RCAN1: variants seen among roughly 807,000 people sequenced by gnomAD.
RCAN1 encodes the protein regulator of calcineurin 1.
Under a neutral mutation model 22.9 loss-of-function variants are expected in RCAN1, and 11 were observed. The ratio of observed to expected loss-of-function variants is 0.48; its 90% CI spans 0.30 to 0.79. The LOEUF (loss-of-function observed/expected upper bound fraction) is 0.79, where lower values mean the gene tolerates loss of function less well. Ranked by LOEUF, RCAN1 falls within the 30% of genes least tolerant of loss-of-function variation. The pLI is 0.06. For synonymous variants in RCAN1, 136 were observed against 142.3 expected, an observed-to-expected ratio of 0.96 and a Z score of 0.32; for missense variants, 291 against 337.8, an observed-to-expected ratio of 0.86 and a Z score of 1.09.
At chr21:34,556,981 G>A (rs1384208602) in intron 1 of RCAN1, among the ~76,000 whole-genome samples, 1 of 152,214 alleles carries the variant, frequency 6.6e-6, no homozygotes, top group Non-Finnish European at 1.5e-5. Context: ...GGGAGGCCGA[G>A]GCAGGCGGAT....
chr21:34,586,696 T>C (rs1402407143), intron 1 of RCAN1, among the ~76,000 whole-genome samples: 3 of 152,230 alleles, frequency 2.0e-5, no homozygotes, highest in African/African-American at 7.2e-5. Context: ...CTCACACCTG[T>C]AACCCCAGCA....
chr21:34,549,094 T>C (rs1347582116), intron 1 of RCAN1, among the ~76,000 whole-genome samples: 1 of 152,190 alleles, frequency 6.6e-6, no homozygotes, highest in Non-Finnish European at 1.5e-5. Context: ...CAGTCTTCTG[T>C]TGCTCAGGCT....
chr21:34,581,340 GT>G (rs1431679202), intron 1 of RCAN1, among the ~76,000 whole-genome samples: 1 of 152,136 alleles, frequency 6.6e-6, no homozygotes, highest in Non-Finnish European at 1.5e-5. Flanking sequence ...CTCAGACTGG[GT>G]AGAGAAAGGA....
At chr21:34,551,791 T>TA (rs151201140) in intron 1 of RCAN1, among the ~76,000 whole-genome samples, 10,252 of 150,460 alleles carry the variant, frequency 0.068, 611 homozygotes, top group East Asian at 0.29. Flanking sequence ...GTGGGCTGTG[T>TA]AAAAAAAAAA....
chr21:34,610,739 A>G (rs1246650022), intron 1 of RCAN1, among the ~76,000 whole-genome samples: 1 of 152,190 alleles, frequency 6.6e-6, no homozygotes, highest in Non-Finnish European at 1.5e-5. Flanking sequence ...AGCTCCCTAG[A>G]GACTCTGACG....
chr21:34,576,553 A>C lies in RCAN1; in HGVS notation c.252+38207T>G, dbSNP rs545157135. ...ATTGTCTTGTGTGCACACAGGAAGA[A>C]TGATGAATATTAAAAATAAAACGCA... On this transcript the variant is annotated intron_variant, in intron 1 of 3. Coordinates refer to ENST00000313806, the MANE Select transcript of RCAN1 (RefSeq NM_004414.7). Among the ~76,000 whole-genome samples the C allele has an allele frequency of 1.6e-4, 24 of 152,364 alleles. No individual in the cohort carries two copies. In the South Asian group the frequency reaches 5.0e-3, roughly 32 times the overall value.
Position 34,614,721 on chromosome 21 carries a change from C to T in RCAN1, c.252+39G>A. 2 of 1,390,826 alleles carry T rather than the reference C, an allele frequency of 1.4e-6. No homozygotes were observed. Among genetic ancestry groups the T allele is most frequent in the Non-Finnish European group, 9.4e-7 (1 of 1,066,240 alleles). The allele number at this position is 1,390,826 out of a possible 1,614,324, so 86.2% of individuals were successfully genotyped here. A position where few individuals can be genotyped will look rare whatever the true frequency, so the allele number is the denominator to read the frequency against. ...GCCGCCTCCTCGGGCAACAAGTGTC[C>T]GCCCTCCGCCCCGACGGCCCGCCCG... On this transcript the variant is annotated intron_variant, in intron 1 of 3. Transcript: ENST00000313806. This position sits in a 1 kb window ranked among gnomAD's most constrained non-coding sequence, Gnocchi z 6.0.
Position 34,611,554 on chromosome 21 carries a change from T to C in RCAN1, c.252+3206A>G, listed in dbSNP as rs141939913. On this transcript the variant is annotated intron_variant, in intron 1 of 3. Transcript: ENST00000313806. ...AAGCTTACAGAATCATGTGACTATA[T>C]ATAAAGAAGTTTGATCCAGTCTTTT... Among the ~76,000 whole-genome samples, 157 of 152,296 alleles carry C rather than the reference T, an allele frequency of 1.0e-3. 1 individual carries two copies. The East Asian group carries it at 0.023, about 22-fold the overall frequency.
At chr21:34,577,559 A>G (rs779691176) in intron 1 of RCAN1, among the ~76,000 whole-genome samples, 1 of 152,196 alleles carries the variant, frequency 6.6e-6, no homozygotes, top group Non-Finnish European at 1.5e-5. Context: ...TGATCATGCC[A>G]CTGCATTCCA....
At chr21:34,595,117 C>T (rs557306689) in intron 1 of RCAN1, among the ~76,000 whole-genome samples, 6 of 152,210 alleles carry the variant, frequency 3.9e-5, no homozygotes, top group Non-Finnish European at 8.8e-5. Flanking sequence ...GCCATACTTA[C>T]AGCAGCACCT....
intron 1 of RCAN1, among the ~76,000 whole-genome samples, chr21:34,578,018 C>T (rs1987471287): frequency 6.6e-6 from 1 of 152,050 alleles, no homozygotes; most frequent in Admixed American, 6.5e-5. Flanking sequence ...GGTCTGGAGC[C>T]CTGCAGAGGG....
rs1260760387 is a variant in RCAN1 at position 34,526,572 on chromosome 21, G to C, written c.253-2862C>G. ...TTTCAAAACCCCCAAACCCACAAGA[G>C]AGCCACATTCTCCCAAGTATTCAGT... On this transcript the variant is annotated intron_variant, in intron 1 of 3. Transcript: ENST00000313806. 1.7e-5 allele frequency: 22 copies of C among 1,312,408 alleles called. No individual in the cohort carries two copies. In the South Asian group the frequency reaches 2.6e-4, roughly 16 times the overall value. 81.3% of individuals were successfully genotyped at this position (1,312,408 alleles called of 1,614,324 possible). A position where few individuals can be genotyped will look rare whatever the true frequency, so the allele number is the denominator to read the frequency against.
intron 1 of RCAN1, among the ~76,000 whole-genome samples, chr21:34,609,732 A>C (rs775195729): frequency 1.3e-5 from 2 of 152,186 alleles, no homozygotes; most frequent in Non-Finnish European, 2.9e-5. Flanking sequence ...TAAGTAATGA[A>C]GGTGACAGCA....
intron 1 of RCAN1, among the ~76,000 whole-genome samples, chr21:34,599,731 C>T (rs189362759): frequency 1.7e-3 from 262 of 152,136 alleles, no homozygotes; most frequent in Admixed American, 3.1e-3. Context: ...TAGTTAATTA[C>T]GCCTCTGTGA....
chr21:34,578,849 C>T (rs1396332283), intron 1 of RCAN1, among the ~76,000 whole-genome samples: 1 of 152,188 alleles, frequency 6.6e-6, no homozygotes, highest in Non-Finnish European at 1.5e-5. Context: ...GCTGTGGTCA[C>T]ACCATGCCTG....
At chr21:34,570,897 T>C (rs1987212451) in intron 1 of RCAN1, among the ~76,000 whole-genome samples, 1 of 152,140 alleles carries the variant, frequency 6.6e-6, no homozygotes, top group East Asian at 1.9e-4. Flanking sequence ...CCCCAATCAT[T>C]GACTCAAGCA....
At chr21:34,533,239 C>T (rs149807166) in intron 1 of RCAN1, among the ~76,000 whole-genome samples, 1,631 of 152,276 alleles carry the variant, frequency 0.011, 59 homozygotes, top group East Asian at 0.1. Context: ...GGATTACAGG[C>T]GTGAGCCACC....
At chr21:34,613,455 G>C (rs966183228) in intron 1 of RCAN1, among the ~76,000 whole-genome samples, 1 of 152,182 alleles carries the variant, frequency 6.6e-6, no homozygotes, top group African/African-American at 2.4e-5. Context: ...CTAGCGAAGT[G>C]GGCAAACTTT....
intron 1 of RCAN1, among the ~76,000 whole-genome samples, chr21:34,569,235 G>A (rs1278018086): frequency 6.6e-6 from 1 of 152,218 alleles, no homozygotes; most frequent in Non-Finnish European, 1.5e-5. Context: ...ATAGGTTTCT[G>A]TGGGCTTGAG....
Sources: allele counts gnomAD v4.1 joint callset (sites outside exome capture counted in the v4.1 genomes callset), GRCh38; gene constraint gnomAD v4.1.1; non-coding constraint Gnocchi (gnomAD v3.1); transcripts MANE v1.5; gene names NCBI Gene and HGNC (gene_info 2026-07-23, HGNC 2026-07-21).